Variants in DOK6 observed in about 807,000 individuals in gnomAD.
DOK6 encodes the protein downstream of tyrosine kinase 6.
DOK6 carries 22 observed loss-of-function variants against 44.0 expected under a neutral mutation model. The ratio of observed to expected loss-of-function variants is 0.50; its 90% CI spans 0.36 to 0.71. DOK6 has a LOEUF of 0.71. DOK6 is among the 30% of genes least tolerant of loss of function. DOK6 has a pLI of 0.00. For missense variants in DOK6, 340 were observed against 416.4 expected (o/e 0.82, Z 1.60); for synonymous variants, 166 against 145.5 (o/e 1.14, Z -1.01).
chr18:69,835,456 CT>C (rs1982023282), intron 7 of DOK6, among the ~76,000 whole-genome samples: 3 of 141,402 alleles, frequency 2.1e-5, no homozygotes, highest in African/African-American at 8.0e-5. Context: ...CAGAACGAGA[CT>C]CCGTCTCAAA....
intron 3 of DOK6, among the ~76,000 whole-genome samples, chr18:69,669,981 C>A (rs1431600498): frequency 6.6e-6 from 1 of 152,118 alleles, no homozygotes; most frequent in Non-Finnish European, 1.5e-5. Context: ...GCAGAAAGCA[C>A]CACAAATTTA....
chr18:69,462,985 T>C (rs1380396046), intron 1 of DOK6, among the ~76,000 whole-genome samples: 1 of 152,230 alleles, frequency 6.6e-6, no homozygotes, highest in Non-Finnish European at 1.5e-5. Context: ...TGGCTAAGCA[T>C]TTTGAAATAT....
chr18:69,730,187 G>A (rs1021380993), intron 5 of DOK6, among the ~76,000 whole-genome samples: 1 of 152,192 alleles, frequency 6.6e-6, no homozygotes, highest in African/African-American at 2.4e-5. Flanking sequence ...GATCCTGGGT[G>A]GAAACCCACC....
chr18:69,524,952 A>G (rs960998193), intron 1 of DOK6, among the ~76,000 whole-genome samples: 5 of 150,916 alleles, frequency 3.3e-5, no homozygotes, highest in Non-Finnish European at 7.4e-5. Context: ...TTTTCTTTTA[A>G]TAAATGGATA....
chr18:69,613,533 A>C (rs1475031400), intron 3 of DOK6, among the ~76,000 whole-genome samples: 1 of 152,208 alleles, frequency 6.6e-6, no homozygotes, highest in Admixed American at 6.5e-5. Context: ...ATGAAGAGAA[A>C]TAAAGGGAAA....
At chr18:69,778,174 A>C (rs1390237420) in intron 7 of DOK6, among the ~76,000 whole-genome samples, 1 of 152,202 alleles carries the variant, frequency 6.6e-6, no homozygotes, top group African/African-American at 2.4e-5. Context: ...GTATGCGCAC[A>C]AGTCAAATAA....
chr18:69,550,688 G>A lies in DOK6; in HGVS notation c.67-13799G>A, dbSNP rs566411429. 2.0e-5 allele frequency among the ~76,000 whole-genome samples: 3 copies of A among 151,814 alleles called. No individual in the cohort carries two copies. The South Asian group carries it at 6.2e-4, about 32-fold the overall frequency. ...GAGTTATTTTACTTCATGTATATGA[G>A]AACAAGTTACATCATTTTGTTTTCC... On this transcript the variant is annotated intron_variant, in intron 1 of 7. Coordinates refer to ENST00000382713, the MANE Select transcript of DOK6 (RefSeq NM_152721.6).
At chr18:69,588,754 T>C (rs1983561286) in intron 2 of DOK6, among the ~76,000 whole-genome samples, 1 of 152,070 alleles carries the variant, frequency 6.6e-6, no homozygotes, top group Non-Finnish European at 1.5e-5. Context: ...AGACAGCCAA[T>C]GGAGAGAGTA....
chr18:69,411,385 G>A (rs1978305377), intron 1 of DOK6, among the ~76,000 whole-genome samples: 1 of 152,106 alleles, frequency 6.6e-6, no homozygotes, highest in Non-Finnish European at 1.5e-5. Flanking sequence ...TAGTGAAATA[G>A]GACTGTTGGC....
intron 1 of DOK6, among the ~76,000 whole-genome samples, chr18:69,508,880 G>A (rs1348498500): frequency 6.6e-6 from 1 of 152,150 alleles, no homozygotes; most frequent in African/African-American, 2.4e-5. Flanking sequence ...AAAGCTATAG[G>A]TGCTCTTTGA....
chr18:69,591,260 C>T (rs1214352297), intron 2 of DOK6, among the ~76,000 whole-genome samples: 1 of 152,044 alleles, frequency 6.6e-6, no homozygotes, highest in Non-Finnish European at 1.5e-5. Flanking sequence ...ACTCATAGGT[C>T]ACTTCTGCTG....
At chr18:69,739,990 AAG>A (rs760421893) in intron 6 of DOK6, among the ~76,000 whole-genome samples, 192 of 152,340 alleles carry the variant, frequency 1.3e-3, no homozygotes, top group African/African-American at 2.8e-3. Context: ...TTTTAAAAGA[AAG>A]AGAACAGAAG....
intron 7 of DOK6, among the ~76,000 whole-genome samples, chr18:69,770,264 A>G (rs1444063590): frequency 6.6e-6 from 1 of 152,110 alleles, no homozygotes; most frequent in Non-Finnish European, 1.5e-5. Flanking sequence ...CAAAGATAAA[A>G]TAACTTGCCA....
intron 5 of DOK6, among the ~76,000 whole-genome samples, chr18:69,720,608 A>C (rs982193740): frequency 5.3e-5 from 8 of 152,160 alleles, no homozygotes; most frequent in African/African-American, 1.2e-4. Context: ...ATTTACATGG[A>C]TATAATGCTG....
intron 2 of DOK6, among the ~76,000 whole-genome samples, chr18:69,583,240 G>A (rs1345823075): frequency 6.6e-6 from 1 of 152,126 alleles, no homozygotes; most frequent in East Asian, 1.9e-4. Context: ...TTCCAAATCT[G>A]ATGGGTGTAA....
intron 1 of DOK6, among the ~76,000 whole-genome samples, chr18:69,481,830 C>T (rs9675946): frequency 4.6e-5 from 7 of 151,930 alleles, no homozygotes; most frequent in African/African-American, 1.7e-4. Flanking sequence ...CTAGTTTACA[C>T]TCCCACCAAC....
intron 1 of DOK6, among the ~76,000 whole-genome samples, chr18:69,440,816 A>T (rs530384661): frequency 6.6e-6 from 1 of 152,224 alleles, no homozygotes; most frequent in South Asian, 2.1e-4. Context: ...ATGAAACAAA[A>T]AAATAATGGT....
At chr18:69,439,259 C>T (rs1402686599) in intron 1 of DOK6, among the ~76,000 whole-genome samples, 1 of 152,134 alleles carries the variant, frequency 6.6e-6, no homozygotes. Context: ...CTTTGTTGTC[C>T]TGTTTATAGA....
chr18:69,465,659 G>C (rs969884553), intron 1 of DOK6, among the ~76,000 whole-genome samples: 1 of 151,986 alleles, frequency 6.6e-6, no homozygotes, highest in Non-Finnish European at 1.5e-5. Flanking sequence ...TGGCTGCATA[G>C]TATTCCATGG....
Sources: allele counts gnomAD v4.1 joint callset (sites outside exome capture counted in the v4.1 genomes callset), GRCh38; gene constraint gnomAD v4.1.1; transcripts MANE v1.5; gene names NCBI Gene and HGNC (gene_info 2026-07-23, HGNC 2026-07-21).